ZFP41: variants seen among roughly 807,000 people sequenced by gnomAD.
ZFP41 encodes the protein ZFP41 zinc finger protein, also known as zinc finger protein 41 homolog.
In ZFP41, 10 loss-of-function variants were observed where a neutral mutation model predicts 11.6. The ratio of observed to expected loss-of-function variants is 0.86; its 90% confidence interval spans 0.53 to 1.47. ZFP41 has a LOEUF of 1.47. Ranked by LOEUF, ZFP41 falls within the 40% of genes most tolerant of loss-of-function variation. The pLI, the probability that ZFP41 is intolerant of heterozygous loss-of-function variation, is 0.00. For synonymous variants in ZFP41, 123 were observed against 100.9 expected, an observed-to-expected ratio of 1.22 and a Z score of -1.31; for missense variants, 302 against 264.6, an observed-to-expected ratio of 1.14 and a Z score of -0.98.
At chr8:143,253,063 G>C (rs145787498) in intron 2 of ZFP41, 1 of 152,310 alleles carries the variant, frequency 6.6e-6, no homozygotes, top group Non-Finnish European at 1.5e-5. Flanking sequence ...CACGTGTGAC[G>C]TGTGATCCTG....
intron 2 of ZFP41, chr8:143,252,763 AGC>A: frequency 5.1e-6 from 2 of 392,038 alleles, no homozygotes; most frequent in Non-Finnish European, 7.0e-6. Context: ...GGCTGTGGTC[AGC>A]CCACTGCCGT....
Position 143,247,041 on chromosome 8 carries a change from GA to G in ZFP41, c.-255del, listed in dbSNP as rs1816705559. The G allele has an allele frequency of 6.6e-6, 1 of 152,496 alleles. No homozygotes were observed. Among genetic ancestry groups the G allele is most frequent in the Admixed American group, 6.5e-5 (1 of 15,292 alleles). The allele number at this position is 152,496 out of a possible 1,614,324, so 9.4% of individuals were successfully genotyped here. A position where few individuals can be genotyped will look rare whatever the true frequency, so the allele number is the denominator to read the frequency against. ...CTCCTTTCCTGCCTCCGGCCCCCGC[GA>G]GGGGCGCGCGCCTCTCCCCGCCCTC... On this transcript the variant is annotated 5_prime_UTR_variant, in exon 1 of 3. Coordinates refer to ENST00000330701, the MANE Select transcript of ZFP41 (RefSeq NM_173832.6).
Position 143,250,638 on chromosome 8 carries a change from T to A in ZFP41, c.*198T>A. The A allele has an allele frequency of 2.4e-6, 2 of 829,784 alleles. No homozygotes were observed. The highest frequency in any genetic ancestry group is 3.7e-6 in the Non-Finnish European group (2 of 537,042). 51.4% of individuals were successfully genotyped at this position (829,784 alleles called of 1,614,324 possible). A position where few individuals can be genotyped will look rare whatever the true frequency, so the allele number is the denominator to read the frequency against. On this transcript the variant is annotated 3_prime_UTR_variant, in exon 2 of 3. Transcript: ENST00000330701. ...GGAGAGACCTTTCCACTGCAGAGAGTCTCTCTGATCAAGACACCGCAGTGA... is the reference window on the plus strand; with the variant it reads ...GGAGAGACCTTTCCACTGCAGAGAGACTCTCTGATCAAGACACCGCAGTGA...
chr8:143,254,352 G>A lies in ZFP41; in HGVS notation c.*900+3012G>A, dbSNP rs182213900. ...TTGCACACGCTCTCTGTGTCTTAGTGTCCTTCAGAATTAGCTGTTGGCAGG... is the reference window on the plus strand; with the variant it reads ...TTGCACACGCTCTCTGTGTCTTAGTATCCTTCAGAATTAGCTGTTGGCAGG... On this transcript the variant is annotated intron_variant, in intron 2 of 2. Transcript: ENST00000330701. Among the ~76,000 whole-genome samples the A allele has an allele frequency of 1.8e-3, 279 of 152,332 alleles. 1 individual carries two copies. The highest frequency in any genetic ancestry group is 6.4e-3 in the African/African-American group (264 of 41,572).
chr8:143,251,325 C>G lies in ZFP41; in HGVS notation c.*885C>G, dbSNP rs1415391535. The G allele has an allele frequency of 6.0e-6, 1 of 166,248 alleles. No homozygotes were observed. The highest frequency in any genetic ancestry group is 1.5e-5 in the Non-Finnish European group (1 of 68,326). The allele number at this position is 166,248 out of a possible 1,614,324, so 10.3% of individuals were successfully genotyped here. On this transcript the variant is annotated 3_prime_UTR_variant, in exon 2 of 3. Coordinates refer to ENST00000330701, the MANE Select transcript of ZFP41 (RefSeq NM_173832.6). ...GGGCGGTGGGCCCCAGCCCCACAGA[C>G]CAGCCCAGCATTCAGGTTAGTTCTA...
chr8:143,249,670 A>T lies in ZFP41; in HGVS notation c.-154-20A>T. The T allele has an allele frequency of 1.9e-6, 2 of 1,069,760 alleles. No individual in the cohort carries two copies. Among genetic ancestry groups the T allele is most frequent in the Non-Finnish European group, 1.3e-6 (1 of 778,814 alleles). 66.3% of individuals were successfully genotyped at this position (1,069,760 alleles called of 1,614,324 possible). A position where few individuals can be genotyped will look rare whatever the true frequency, so the allele number is the denominator to read the frequency against. ...AAGGCAAACCTTTAATCTGAGGTTC[A>T]TGTTCTTGCTTCTCCCCAGCACCAA... On this transcript the variant is annotated intron_variant, in intron 1 of 2. Coordinates refer to ENST00000330701, the MANE Select transcript of ZFP41 (RefSeq NM_173832.6).
Position 143,262,075 on chromosome 8 carries a change from CCT to C in ZFP41, c.*3204_*3205del. The stretch of plus-strand genomic sequence containing the variant: ...CCGGCAGCCCCTGCCCGCGCCCGCA[CCT>C]CTGCACCTCCCACGCCCCTCTCCGG... On this transcript the variant is annotated 3_prime_UTR_variant, in exon 3 of 3. Coordinates refer to ENST00000330701, the MANE Select transcript of ZFP41 (RefSeq NM_173832.6). 1 of 184,292 alleles carries C rather than the reference CCT, an allele frequency of 5.4e-6. No individual in the cohort carries two copies. Among genetic ancestry groups the C allele is most frequent in the South Asian group, 8.1e-5 (1 of 12,376 alleles). 11.4% of individuals were successfully genotyped at this position (184,292 alleles called of 1,614,324 possible). A position where few individuals can be genotyped will look rare whatever the true frequency, so the allele number is the denominator to read the frequency against.
intron 2 of ZFP41, among the ~76,000 whole-genome samples, chr8:143,256,717 T>G (rs1227995376): frequency 6.6e-6 from 1 of 152,134 alleles, no homozygotes; most frequent in African/African-American, 2.4e-5. Context: ...GTCTCAAAAA[T>G]AAAAGATACA....
In ZFP41 at chr8:143,252,550, G is replaced by A. The variant is rs111538612; in HGVS notation, c.*900+1210G>A. 4.5e-4 allele frequency: 285 copies of A among 636,222 alleles called. No individual in the cohort carries two copies. The African/African-American group carries it at 4.6e-3, about 10-fold the overall frequency. The allele number at this position is 636,222 out of a possible 1,614,324, so 39.4% of individuals were successfully genotyped here. On this transcript the variant is annotated intron_variant, in intron 2 of 2. Coordinates refer to ENST00000330701, the MANE Select transcript of ZFP41 (RefSeq NM_173832.6). ...GCAGGTGAACCACCAGAGGGGAGCC[G>A]TGGCGCCTGTGGCCTCCTGATGGTC...
chr8:143,260,769 G>C lies in ZFP41; in HGVS notation c.*1895G>C, dbSNP rs1005017296. The C allele has an allele frequency of 5.6e-6, 1 of 179,918 alleles. No homozygotes were observed. Among genetic ancestry groups the C allele is most frequent in the Non-Finnish European group, 1.2e-5 (1 of 84,692 alleles). 11.1% of individuals were successfully genotyped at this position (179,918 alleles called of 1,614,324 possible). ...GACCCAGAGGGCTGCCCTGACCAGC[G>C]GGCACCATCCTCCCAGCCCCACTCA... On this transcript the variant is annotated 3_prime_UTR_variant, in exon 3 of 3. Transcript: ENST00000330701.
At chr8:143,254,711 C>G (rs1219888483) in intron 2 of ZFP41, among the ~76,000 whole-genome samples, 1 of 148,710 alleles carries the variant, frequency 6.7e-6, no homozygotes, top group Non-Finnish European at 1.5e-5. Context: ...CAGCTCACCA[C>G]AACCTCCACC....
chr8:143,260,660 C>T lies in ZFP41; in HGVS notation c.*1786C>T. The T allele has an allele frequency of 5.1e-6, 1 of 194,358 alleles. No homozygotes were observed. Among genetic ancestry groups the T allele is most frequent in the Non-Finnish European group, 1.1e-5 (1 of 92,572 alleles). 12.0% of individuals were successfully genotyped at this position (194,358 alleles called of 1,614,324 possible). A position where few individuals can be genotyped will look rare whatever the true frequency, so the allele number is the denominator to read the frequency against. On this transcript the variant is annotated 3_prime_UTR_variant, in exon 3 of 3. Coordinates refer to ENST00000330701, the MANE Select transcript of ZFP41 (RefSeq NM_173832.6). ...ATCCTTCCAGCCTCTCTTGGCCACC[C>T]GGACCAGCGGGCACCACCCTCCCAG...
Position 143,250,681 on chromosome 8 carries a change from G to T in ZFP41, c.*241G>T, listed in dbSNP as rs550054991. On this transcript the variant is annotated 3_prime_UTR_variant, in exon 2 of 3. Coordinates refer to ENST00000330701, the MANE Select transcript of ZFP41 (RefSeq NM_173832.6). ...CGCAGTGATGGAGAAGCCACCAGAG[G>T]CTCCTTGCAGCCACAGAGCATTTTC... 3 of 613,060 alleles carry T rather than the reference G, an allele frequency of 4.9e-6. No individual in the cohort carries two copies. The African/African-American group carries it at 5.5e-5, about 11-fold the overall frequency. The allele number at this position is 613,060 out of a possible 1,614,324, so 38.0% of individuals were successfully genotyped here.
Position 143,251,575 on chromosome 8 carries a change from G to A in ZFP41, c.*900+235G>A, listed in dbSNP as rs116145657. On this transcript the variant is annotated intron_variant, in intron 2 of 2. Coordinates refer to ENST00000330701, the MANE Select transcript of ZFP41 (RefSeq NM_173832.6). ...TGTTTAGACGTGAAACACTAATCAC[G>A]GCCCTAGTCTTTGGGGATTCTGTCC... is the stretch of plus-strand genomic sequence containing the variant. Among the ~76,000 whole-genome samples, 911 of 152,308 alleles carry A rather than the reference G, an allele frequency of 6.0e-3. 9 individuals are homozygous for A. Among genetic ancestry groups the A allele is most frequent in the African/African-American group, 0.017 (699 of 41,570 alleles).
At chr8:143,255,470 G>C (rs1436923947) in intron 2 of ZFP41, among the ~76,000 whole-genome samples, 1 of 149,500 alleles carries the variant, frequency 6.7e-6, no homozygotes, top group Non-Finnish European at 1.5e-5. Context: ...CCCGCGTCTA[G>C]TGTTAGTGAG....
intron 2 of ZFP41, among the ~76,000 whole-genome samples, chr8:143,259,036 G>A (rs1563730063): frequency 6.6e-6 from 1 of 152,308 alleles, no homozygotes; most frequent in Non-Finnish European, 1.5e-5. Context: ...GTGTGTGCAC[G>A]CAGCCAGAGA....
chr8:143,250,910 C>G lies in ZFP41; in HGVS notation c.*470C>G, dbSNP rs1225655729. 1 of 181,848 alleles carries G rather than the reference C, an allele frequency of 5.5e-6. No individual in the cohort carries two copies. The highest frequency in any genetic ancestry group is 1.3e-5 in the Non-Finnish European group (1 of 76,066). The allele number at this position is 181,848 out of a possible 1,614,324, so 11.3% of individuals were successfully genotyped here. Reference sequence around the variant, plus strand: ...CTGCCGCTGAAGGCCCCAGTCTGGACTCTCTGCCCTCTGGGTCCCCGAGCT... The same window carrying G: ...CTGCCGCTGAAGGCCCCAGTCTGGAGTCTCTGCCCTCTGGGTCCCCGAGCT... On this transcript the variant is annotated 3_prime_UTR_variant, in exon 2 of 3. Coordinates refer to ENST00000330701, the MANE Select transcript of ZFP41 (RefSeq NM_173832.6).
At chr8:143,256,311 G>A (rs1317281325) in intron 2 of ZFP41, among the ~76,000 whole-genome samples, 25 of 98,180 alleles carry the variant, frequency 2.5e-4, no homozygotes, top group Non-Finnish European at 3.6e-4. Context: ...GGCTCGCCCC[G>A]CGTGCTGGTG....
intron 1 of ZFP41, chr8:143,247,486 C>T (rs570361543): frequency 6.6e-6 from 1 of 152,178 alleles, no homozygotes; most frequent in Non-Finnish European, 1.5e-5. Context: ...CTCAAGCCCA[C>T]TAATGTTCCA....
Sources: gnomAD v4.1 joint callset for allele counts (sites outside exome capture counted in the v4.1 genomes callset) on GRCh38, gnomAD v4.1.1 for gene constraint, MANE v1.5 for transcripts, NCBI Gene and HGNC (gene_info 2026-07-23, HGNC 2026-07-21) for gene names.